The following IGSF9 variants were observed in gnomAD, a reference collection of about 807,000 sequenced individuals.
The protein encoded by IGSF9 is immunoglobulin superfamily member 9.
IGSF9 carries 87 observed loss-of-function variants against 121.7 expected under a neutral mutation model. The ratio of observed to expected loss-of-function variants is 0.71; its 90% CI spans 0.60 to 0.85. IGSF9 has a LOEUF of 0.85. IGSF9 is among the 40% of genes least tolerant of loss of function. The probability of loss-of-function intolerance (pLI) is 0.00; values close to 1 mark genes in which losing one functional copy is unlikely to be tolerated. For missense variants in IGSF9, 1,462 were observed against 1,565.3 expected, an observed-to-expected ratio of 0.93 and a Z score of 1.11; for synonymous variants, 640 against 648.4, an observed-to-expected ratio of 0.99 and a Z score of 0.20.
In IGSF9 at chr1:159,931,716, T is replaced by C; in HGVS notation, c.1362+96A>G. The C allele has an allele frequency of 1.3e-6, 2 of 1,492,164 alleles. No individual in the cohort carries two copies. The highest frequency in any genetic ancestry group is 1.8e-6 in the Non-Finnish European group (2 of 1,092,954). 92.4% of individuals were successfully genotyped at this position (1,492,164 alleles called of 1,614,324 possible). A position where few individuals can be genotyped will look rare whatever the true frequency, so the allele number is the denominator to read the frequency against. ...CCCCACCCTGCCTCTGACAGCCTTC[T>C]CCTTCCCACACCCTCCCTCCCACAA... is the stretch of plus-strand genomic sequence containing the variant. On this transcript the variant is annotated intron_variant, in intron 11 of 20. Transcript: ENST00000368094. This position sits in a 1 kb window ranked among gnomAD's most constrained non-coding sequence, Gnocchi z 4.8.
At chr1:159,936,933 G>C in intron 4 of IGSF9, 25 bp from the exon 5 acceptor site, 8 of 1,612,650 alleles carry the variant, frequency 5.0e-6, no homozygotes, top group Non-Finnish European at 6.8e-6. Flanking sequence ...GGCATCAGGG[G>C]CCCCAGTGGG....
intron 20 of IGSF9, 52 bp downstream of exon 20, chr1:159,927,708 G>T: frequency 6.3e-7 from 1 of 1,595,164 alleles, no homozygotes; most frequent in South Asian, 1.1e-5. Flanking sequence ...GGTGGCGGGG[G>T]GATGTGGGAC....
Position 159,932,547 on chromosome 1 carries a change from C to T in IGSF9, c.1210G>A (p.Ala404Thr), listed in dbSNP as rs200923422. ...ACGCGGGTCACAGGAGAGGGCCCGG[C>T]GGTACCAAGACTGTTGTAGGGGGTG... is the stretch of plus-strand genomic sequence containing the variant. The part of the protein sequence containing the change: ...SCTPYNSLGT[A>T]GPSPVTRVLL... Residue 404 changes from alanine to threonine, a missense_variant, in exon 10 of 21, where the codon GCC becomes ACC. Coordinates refer to ENST00000368094, the MANE Select transcript of IGSF9 (RefSeq NM_001135050.2). This position sits in a 1 kb window ranked among gnomAD's most constrained non-coding sequence, Gnocchi z 4.1. 769 of 1,614,036 alleles carry T rather than the reference C, an allele frequency of 4.8e-4. No individual in the cohort carries two copies. Among genetic ancestry groups the T allele is most frequent in the Admixed American group, 7.5e-4 (45 of 60,008 alleles).
intron 1 of IGSF9, among the ~76,000 whole-genome samples, chr1:159,945,372 C>T (rs2101886399): frequency 6.6e-6 from 1 of 152,130 alleles, no homozygotes. Context: ...AACTCCCCCA[C>T]ATTGCCTCCA....
intron 6 of IGSF9, among the ~76,000 whole-genome samples, chr1:159,935,476 C>G (rs879289872): frequency 9.9e-5 from 15 of 152,194 alleles, no homozygotes; most frequent in Non-Finnish European, 7.3e-5. Flanking sequence ...GCCTTTGCTC[C>G]CTGCACCCCC....
In IGSF9 at chr1:159,930,728, C is replaced by T. The variant is rs762567190; in HGVS notation, c.1777G>A (p.Gly593Ser). ...SVLAQNKLGS[G>S]PFSEIVLSAP... ...GACAAGACGATTTCGCTGAAGGGAC[C>T]ACTCCCCAGCTTGTTCTGAGCTAGC... Residue 593 changes from glycine to serine, a missense_variant, in exon 14 of 21, where the codon GGT becomes AGT. Coordinates refer to ENST00000368094, the MANE Select transcript of IGSF9 (RefSeq NM_001135050.2). 6.8e-6 allele frequency: 11 copies of T among 1,613,994 alleles called. No individual in the cohort carries two copies. The Admixed American group carries it at 1.0e-4, about 15-fold the overall frequency.
rs200187865 is a variant in IGSF9, at chr1:159,936,421, G to A, written c.651C>T (p.His217=). 1.9e-5 allele frequency: 31 copies of A among 1,613,878 alleles called. No individual in the cohort carries two copies. The highest frequency in any genetic ancestry group is 1.3e-4 in the South Asian group (12 of 91,094). The change falls in exon 6 of 21, where the codon CAC becomes CAT. Residue 217 remains histidine, a synonymous_variant. Coordinates refer to ENST00000368094, the MANE Select transcript of IGSF9 (RefSeq NM_001135050.2). ...CACCTAGCACTAGCAGCTGGGTGGC[G>A]TGGGTGGCGCTGCCCTCAGTGCTGG... ...QASSTEGSAT[H]ATQLLVLGPP...
intron 19 of IGSF9, 93 bp from the exon 20 acceptor site, chr1:159,927,980 T>A (rs1432971762): frequency 7.9e-6 from 12 of 1,519,092 alleles, no homozygotes; most frequent in Non-Finnish European, 1.1e-5. Context: ...CAAACTCACG[T>A]TAGGTCATGG....
intron 19 of IGSF9, 46 bp downstream of exon 19, chr1:159,928,112 G>A: frequency 6.3e-7 from 1 of 1,587,002 alleles, no homozygotes; most frequent in Non-Finnish European, 8.5e-7. Flanking sequence ...GAGAGGTCTG[G>A]GGTGGGACTG....
At chr1:159,929,555 G>C in intron 17 of IGSF9, 83 bp downstream of exon 17, 1 of 1,498,284 alleles carries the variant, frequency 6.7e-7, no homozygotes, top group South Asian at 1.3e-5. Context: ...ACACAGGAGC[G>C]AGGGCTTTTC....
chr1:159,937,746 C>T lies in IGSF9; in HGVS notation c.340G>A (p.Asp114Asn). ...GWYECRVFFL[D>N]QHIPEDDFAN... is the part of the protein sequence containing the mutation. Reference sequence around the variant, plus strand: ...AAATCGTCTTCAGGGATGTGCTGGTCCAGGAAGAACACGCGGCACTCGTAC... The same window carrying T: ...AAATCGTCTTCAGGGATGTGCTGGTTCAGGAAGAACACGCGGCACTCGTAC... Residue 114 changes from aspartate (D) to asparagine (N), a missense_variant, in exon 4 of 21, where the codon GAC becomes AAC. Coordinates refer to ENST00000368094, the MANE Select transcript of IGSF9 (RefSeq NM_001135050.2). 1 of 1,614,058 alleles carries T rather than the reference C, an allele frequency of 6.2e-7. No homozygotes were observed. Among genetic ancestry groups the T allele is most frequent in the Non-Finnish European group, 8.5e-7 (1 of 1,179,972 alleles).
chr1:159,928,950 C>A lies in IGSF9; in HGVS notation c.2438G>T (p.Ser813Ile). Residue 813 changes from serine (S) to isoleucine (I), a missense_variant, in exon 19 of 21, where the codon AGC becomes ATC. By Grantham distance (142) the Ser-to-Ile change is moderately radical. Coordinates refer to ENST00000368094, the MANE Select transcript of IGSF9 (RefSeq NM_001135050.2). ...CCCCCAGAGCAGACTCTGGCGCAGGCTGGGGACTGGGGATCCCTGGAGCTT... is the reference window on the plus strand; with the variant it reads ...CCCCCAGAGCAGACTCTGGCGCAGGATGGGGACTGGGGATCCCTGGAGCTT... Reference protein sequence around the residue: ...KLKLQGSPVPSLRQSLLWGDP... With the variant: ...KLKLQGSPVPILRQSLLWGDP... 1 of 1,532,282 alleles carries A rather than the reference C, an allele frequency of 6.5e-7. No homozygotes were observed. The allele number at this position is 1,532,282 out of a possible 1,614,324, so 94.9% of individuals were successfully genotyped here. A position where few individuals can be genotyped will look rare whatever the true frequency, so the allele number is the denominator to read the frequency against.
rs746638393 is a variant in IGSF9, at chr1:159,931,409, C to G, written c.1513+44G>C. ...TTTCTGGGCCTCCAAAAACGATTCC[C>G]AAGTAGTTTCTCCCAGCCCCTGGCC... On this transcript the variant is annotated intron_variant, in intron 12 of 20. Coordinates refer to ENST00000368094, the MANE Select transcript of IGSF9 (RefSeq NM_001135050.2). This position sits in a 1 kb window ranked among gnomAD's most constrained non-coding sequence, Gnocchi z 4.8. 12 of 1,602,458 alleles carry G rather than the reference C, an allele frequency of 7.5e-6. No individual in the cohort carries two copies. The Admixed American group carries it at 2.0e-4, about 27-fold the overall frequency.
Position 159,930,915 on chromosome 1 carries a change from A to G in IGSF9, c.1638-48T>C, listed in dbSNP as rs1187326852. On this transcript the variant is annotated intron_variant, in intron 13 of 20. Coordinates refer to ENST00000368094, the MANE Select transcript of IGSF9 (RefSeq NM_001135050.2). ...GGGCACCTCGTGAGCTAGGAAGACCAGAAGATCTGGGGTCCAGAGATCTAA... is the reference window on the plus strand; with the variant it reads ...GGGCACCTCGTGAGCTAGGAAGACCGGAAGATCTGGGGTCCAGAGATCTAA... 4 of 1,530,970 alleles carry G rather than the reference A, an allele frequency of 2.6e-6. No individual in the cohort carries two copies. In the East Asian group the frequency reaches 9.4e-5, roughly 36 times the overall value. 94.8% of individuals were successfully genotyped at this position (1,530,970 alleles called of 1,614,324 possible).
At chr1:159,941,069 C>G (rs1258313757) in intron 3 of IGSF9, among the ~76,000 whole-genome samples, 1 of 152,080 alleles carries the variant, frequency 6.6e-6, no homozygotes, top group Non-Finnish European at 1.5e-5. Context: ...ATTGCTTTCA[C>G]TCCATGGCAT....
In IGSF9 at chr1:159,943,462, C is replaced by T. The variant is rs1571223038; in HGVS notation, c.-8G>A. The stretch of plus-strand genomic sequence containing the variant: ...GCCGAGGCACCACACCATAGCCCAG[C>T]TGGCCTGCTCACCCAGCCCCTCCTA... On this transcript the variant is annotated 5_prime_UTR_variant, in exon 2 of 21. Transcript: ENST00000368094. The T allele has an allele frequency of 3.2e-6, 5 of 1,558,672 alleles. No individual in the cohort carries two copies. Among genetic ancestry groups the T allele is most frequent in the Non-Finnish European group, 4.3e-6 (5 of 1,152,358 alleles).
At chr1:159,945,076 A>C (rs971961635) in intron 1 of IGSF9, among the ~76,000 whole-genome samples, 1 of 150,564 alleles carries the variant, frequency 6.6e-6, no homozygotes, top group African/African-American at 2.5e-5. Context: ...TCGTCCTCCC[A>C]TTACTCCCTT....
Position 159,932,303 on chromosome 1 carries a change from G to T in IGSF9, c.1245+209C>A. ...CAGGATATCTTACTTCTGGATGTGT[G>T]TGACTGATGTCCCACCTCCCGAGCA... On this transcript the variant is annotated intron_variant, in intron 10 of 20. Transcript: ENST00000368094. The surrounding 1 kb of genome is among the most constrained non-coding windows in gnomAD (Gnocchi z 4.1). 1 of 601,540 alleles carries T rather than the reference G, an allele frequency of 1.7e-6. No homozygotes were observed. The highest frequency in any genetic ancestry group is 2.8e-5 in the East Asian group (1 of 35,886). The allele number at this position is 601,540 out of a possible 1,614,324, so 37.3% of individuals were successfully genotyped here. A position where few individuals can be genotyped will look rare whatever the true frequency, so the allele number is the denominator to read the frequency against.
At chr1:159,930,896 C>T (rs1230961972) in intron 13 of IGSF9, 29 bp from the exon 14 acceptor site, 1 of 1,568,122 alleles carries the variant, frequency 6.4e-7, no homozygotes, top group Non-Finnish European at 8.6e-7. Context: ...TGGGGGGCAC[C>T]TCGTGAGCTA....
Sources: gnomAD v4.1 joint callset for allele counts (sites outside exome capture counted in the v4.1 genomes callset) on GRCh38, gnomAD v4.1.1 for gene constraint, Gnocchi (gnomAD v3.1) non-coding constraint, MANE v1.5 for transcripts, NCBI Gene and HGNC (gene_info 2026-07-23, HGNC 2026-07-21) for gene names.